PTN: variants seen among roughly 807,000 people sequenced by gnomAD.
PTN encodes the protein pleiotrophin, also known as heparin affin regulatory protein.
In PTN, 18 loss-of-function variants were observed where a neutral mutation model predicts 24.1. That is an observed-to-expected ratio of 0.75 (90% CI 0.52 to 1.11). The LOEUF (loss-of-function observed/expected upper bound fraction) is 1.11. Ranked by LOEUF, PTN falls within the 50% of genes least tolerant of loss-of-function variation. The pLI, the probability that PTN is intolerant of heterozygous loss-of-function variation, is 0.00. For missense variants in PTN, 163 were observed against 198.8 expected (o/e 0.82, Z 1.08); for synonymous variants, 78 against 68.6 (o/e 1.14, Z -0.67).
At chr7:137,267,899 G>A (rs757917522) in intron 1 of PTN, among the ~76,000 whole-genome samples, 17 of 151,996 alleles carry the variant, frequency 1.1e-4, no homozygotes, top group Non-Finnish European at 1.3e-4. Flanking sequence ...GCATACCATG[G>A]GTGATCAGGC....
chr7:137,255,626 TG>T (rs1255238651), intron 1 of PTN, among the ~76,000 whole-genome samples: 1 of 152,366 alleles, frequency 6.6e-6, no homozygotes, highest in Admixed American at 6.5e-5. Context: ...TAAATTCGCA[TG>T]TGCTAAAAAT....
At chr7:137,228,764 C>T (rs1808378522) in intron 4 of PTN, among the ~76,000 whole-genome samples, 1 of 151,860 alleles carries the variant, frequency 6.6e-6, no homozygotes, top group Non-Finnish European at 1.5e-5. Context: ...CATTCTTTTC[C>T]ATTCAACCAT....
At chr7:137,261,058 A>T (rs1809029388) in intron 1 of PTN, among the ~76,000 whole-genome samples, 1 of 152,116 alleles carries the variant, frequency 6.6e-6, no homozygotes, top group African/African-American at 2.4e-5. Flanking sequence ...CTCTACTATC[A>T]TTAAAATACA....
intron 1 of PTN, among the ~76,000 whole-genome samples, chr7:137,328,433 A>G (rs187811890): frequency 1.4e-4 from 21 of 152,274 alleles, no homozygotes; most frequent in African/African-American, 5.1e-4. Context: ...TCTGTGTCCC[A>G]CTGTTGGATG....
At position 137,276,582 on chromosome 7, in the gene PTN, G is replaced by A. The variant is rs139596092; in HGVS notation, c.-1-21608C>T. 4.5e-3 allele frequency among the ~76,000 whole-genome samples: 690 copies of A among 152,308 alleles called. 7 individuals carry two copies. The highest frequency in any genetic ancestry group is 0.02 in the Middle Eastern group (6 of 294). On this transcript the variant is annotated intron_variant, in intron 1 of 4. Transcript: ENST00000348225. ...CTTGGGCAGTTTTCATGAAGTTGGG[G>A]ACCTGGCTTGCCATTGATTCCAGGC...
intron 1 of PTN, among the ~76,000 whole-genome samples, chr7:137,324,417 T>TAAAA (rs1366943397): frequency 1.3e-4 from 8 of 63,470 alleles, no homozygotes; most frequent in African/African-American, 4.3e-4. Context: ...ACCCTGTCTC[T>TAAAA]AAAAAAAAAA....
chr7:137,261,567 C>T (rs1288410828), intron 1 of PTN, among the ~76,000 whole-genome samples: 1 of 152,058 alleles, frequency 6.6e-6, no homozygotes, highest in African/African-American at 2.4e-5. Flanking sequence ...CCCCTTTGCC[C>T]TGTGAAGGTT....
intron 1 of PTN, among the ~76,000 whole-genome samples, chr7:137,292,528 T>C (rs1809654770): frequency 6.6e-6 from 1 of 152,174 alleles, no homozygotes; most frequent in Admixed American, 6.5e-5. Context: ...CTTCGTCTTC[T>C]GCCATAATTG....
In PTN at chr7:137,292,811, G is replaced by T. The variant is rs138492528; in HGVS notation, c.-1-37837C>A. Among the ~76,000 whole-genome samples, 83 of 152,260 alleles carry T rather than the reference G, an allele frequency of 5.5e-4. No individual in the cohort carries two copies. The East Asian group carries it at 0.016, about 30-fold the overall frequency. On this transcript the variant is annotated intron_variant, in intron 1 of 4. Transcript: ENST00000348225. ...GGTTTGGCTGAATCCACACATGTGG[G>T]ACGCACAGAAAAGGAGGGCTGACTG...
intron 1 of PTN, among the ~76,000 whole-genome samples, chr7:137,291,388 A>G (rs554303877): frequency 6.6e-6 from 1 of 152,264 alleles, no homozygotes; most frequent in Non-Finnish European, 1.5e-5. Context: ...ACTGTGCCTC[A>G]GTCTAGTTGT....
At chr7:137,300,845 G>A (rs1809795267) in intron 1 of PTN, among the ~76,000 whole-genome samples, 1 of 151,894 alleles carries the variant, frequency 6.6e-6, no homozygotes, top group Non-Finnish European at 1.5e-5. Flanking sequence ...ACCTTGCCCA[G>A]CTGAAGTTTC....
At chr7:137,319,113 G>A (rs558551062) in intron 1 of PTN, among the ~76,000 whole-genome samples, 7 of 152,198 alleles carry the variant, frequency 4.6e-5, no homozygotes, top group African/African-American at 4.8e-5. Context: ...CCACATCGTC[G>A]CTGACTACTT....
intron 1 of PTN, among the ~76,000 whole-genome samples, chr7:137,342,835 T>C (rs190610416): frequency 3.9e-5 from 6 of 152,190 alleles, no homozygotes; most frequent in Non-Finnish European, 8.8e-5. Flanking sequence ...TTCTAAACTT[T>C]GGACCTAACC....
chr7:137,327,329 T>C (rs1810279407), intron 1 of PTN, among the ~76,000 whole-genome samples: 1 of 152,156 alleles, frequency 6.6e-6, no homozygotes. Flanking sequence ...TTGAAGCGTC[T>C]TGCTATCACT....
chr7:137,228,125 A>G (rs1189774918), intron 4 of PTN, 50 bp from the exon 5 acceptor site: 7 of 1,207,556 alleles, frequency 5.8e-6, no homozygotes, highest in Admixed American at 1.8e-5. Context: ...AAAAATGTCA[A>G]GTTACTAAAT....
chr7:137,237,898 T>C lies in PTN; in HGVS notation c.452-9823A>G, dbSNP rs1380663551. Among the ~76,000 whole-genome samples the C allele has an allele frequency of 7.2e-5, 11 of 152,138 alleles. No homozygotes were observed. In the South Asian group the frequency reaches 1.9e-3, roughly 26 times the overall value. ...TGTTTTTTTCTATTTTCTGTAAGAG[T>C]AAAAATAATTTTTGAAAGCCTAGCA... is the stretch of plus-strand genomic sequence containing the variant. On this transcript the variant is annotated intron_variant, in intron 4 of 4. Transcript: ENST00000348225.
intron 1 of PTN, among the ~76,000 whole-genome samples, chr7:137,267,318 C>CTA (rs1385112761): frequency 6.6e-6 from 1 of 151,210 alleles, no homozygotes; most frequent in Non-Finnish European, 1.5e-5. Context: ...GCCTCTTTTT[C>CTA]TCTCTTTCCT....
intron 1 of PTN, among the ~76,000 whole-genome samples, chr7:137,302,953 GA>G (rs142741021): frequency 0.062 from 9,362 of 151,958 alleles, 635 homozygotes; most frequent in African/African-American, 0.17. Flanking sequence ...GTCTCAAAAA[GA>G]AAGTACTTGA....
chr7:137,296,505 C>A (rs1809720361), intron 1 of PTN, among the ~76,000 whole-genome samples: 1 of 151,986 alleles, frequency 6.6e-6, no homozygotes, highest in Admixed American at 6.6e-5. Context: ...TACCAATTGC[C>A]AGATGCCAGG....
Sources: allele counts gnomAD v4.1 joint callset (sites outside exome capture counted in the v4.1 genomes callset), GRCh38; gene constraint gnomAD v4.1.1; transcripts MANE v1.5; gene names NCBI Gene and HGNC (gene_info 2026-07-23, HGNC 2026-07-21).